Variants in ZCCHC8 observed in about 807,000 individuals in gnomAD.
ZCCHC8 encodes zinc finger CCHC-type containing 8.
In ZCCHC8, 27 loss-of-function variants were observed where a neutral mutation model predicts 70.6. That is an observed-to-expected ratio of 0.38 (90% CI 0.28 to 0.53). The LOEUF (loss-of-function observed/expected upper bound fraction) is 0.53. ZCCHC8 is among the 20% of genes least tolerant of loss of function. The pLI is 0.81. For missense variants in ZCCHC8, 737 were observed against 876.9 expected, an observed-to-expected ratio of 0.84 and a Z score of 2.01; for synonymous variants, 293 against 317.4, an observed-to-expected ratio of 0.92 and a Z score of 0.82.
intron 5 of ZCCHC8, among the ~76,000 whole-genome samples, chr12:122,486,326 T>C (rs953042478): frequency 6.8e-6 from 1 of 147,372 alleles, no homozygotes; most frequent in South Asian, 2.1e-4. Flanking sequence ...GGCAGGAGAA[T>C]TGCTTGAATC....
chr12:122,489,489 CA>C, intron 4 of ZCCHC8, 26 bp from the exon 5 acceptor site: 1 of 1,600,656 alleles, frequency 6.2e-7, no homozygotes, highest in Non-Finnish European at 8.5e-7. Flanking sequence ...ACACATATTA[CA>C]ACCGGTAACC....
chr12:122,474,336 T>G, intron 13 of ZCCHC8, 61 bp from the exon 14 acceptor site: 2 of 1,322,162 alleles, frequency 1.5e-6, no homozygotes, highest in East Asian at 2.8e-5. Context: ...TTTACTAAAA[T>G]TTGTTATTTG....
In ZCCHC8 at chr12:122,480,027, G is replaced by A. The variant is rs1957500211; in HGVS notation, c.1140+163C>T. 5.3e-5 allele frequency among the ~76,000 whole-genome samples: 8 copies of A among 152,210 alleles called. No individual in the cohort carries two copies. In the South Asian group the frequency reaches 1.7e-3, roughly 32 times the overall value. On this transcript the variant is annotated intron_variant, in intron 11 of 13. Coordinates refer to ENST00000633063, the MANE Select transcript of ZCCHC8 (RefSeq NM_017612.5). The stretch of plus-strand genomic sequence containing the variant: ...AGGTCTTGCTATGTTGCCCAGGCTG[G>A]TCTCGAACTCTGGGACTCAAGTGAT...
chr12:122,493,138 G>A (rs1042815301), intron 2 of ZCCHC8, among the ~76,000 whole-genome samples: 2 of 152,102 alleles, frequency 1.3e-5, no homozygotes, highest in African/African-American at 4.8e-5. Context: ...CAAGTGCTGG[G>A]ATTATAGCTG....
Position 122,474,193 on chromosome 12 carries a change from G to T in ZCCHC8, c.1428C>A (p.Pro476=). Residue 476 remains proline (P), a synonymous_variant, in exon 14 of 14, where the codon CCC becomes CCA. Transcript: ENST00000633063. The part of the protein sequence containing the change: ...PPLPPDTPPL[P]RGTPPPVFTP... ...TGAAGACGGGTGGAGGAGTTCCCCG[G>T]GGGAGTGGAGGAGTGTCAGGAGGTA... 6.6e-7 allele frequency: 1 copy of T among 1,512,198 alleles called. No individual in the cohort carries two copies. The highest frequency in any genetic ancestry group is 8.8e-7 in the Non-Finnish European group (1 of 1,139,332). 93.7% of individuals were successfully genotyped at this position (1,512,198 alleles called of 1,614,324 possible). A position where few individuals can be genotyped will look rare whatever the true frequency, so the allele number is the denominator to read the frequency against.
At chr12:122,482,283 T>C (rs1201442237) in intron 8 of ZCCHC8, 196 bp from the exon 9 acceptor site, 4 of 505,176 alleles carry the variant, frequency 7.9e-6, no homozygotes, top group Non-Finnish European at 9.7e-6. Flanking sequence ...CCTATTATCA[T>C]AAATTAAATC....
chr12:122,491,380 T>C (rs1957738403), intron 3 of ZCCHC8, among the ~76,000 whole-genome samples: 1 of 151,684 alleles, frequency 6.6e-6, no homozygotes, highest in Non-Finnish European at 1.5e-5. Context: ...AATACAAAAA[T>C]TAGCCAGGCC....
chr12:122,489,624 T>C (rs910970351), intron 4 of ZCCHC8, among the ~76,000 whole-genome samples, 161 bp from the exon 5 acceptor site: 4 of 152,236 alleles, frequency 2.6e-5, no homozygotes, highest in African/African-American at 9.6e-5. Flanking sequence ...AGCACTAGCA[T>C]GCACTACAAC....
rs542020110 is a variant in ZCCHC8, at chr12:122,482,026, G to T, written c.794C>A (p.Ala265Glu). Residue 265 changes from alanine to glutamate, a missense_variant, in exon 9 of 14, where the codon GCA becomes GAA. Physicochemically the swap from Ala to Glu is moderately radical, Grantham distance 107. Transcript: ENST00000633063. ...RKEYMDACGE[A>E]NNQNFQQRYH... ...TCGCTGCTGGAAATTCTGATTGTTT[G>T]CTTCTCCACAGGCATCCATATACTC... 6.2e-7 allele frequency: 1 copy of T among 1,613,024 alleles called. No individual in the cohort carries two copies. Among genetic ancestry groups the T allele is most frequent in the South Asian group, 1.1e-5 (1 of 91,016 alleles).
At chr12:122,497,330 C>T (rs1358258600) in intron 2 of ZCCHC8, among the ~76,000 whole-genome samples, 1 of 151,296 alleles carries the variant, frequency 6.6e-6, no homozygotes, top group Non-Finnish European at 1.5e-5. Flanking sequence ...TCACTCGAGG[C>T]CAGGAGTTCG....
chr12:122,473,996 T>G lies in ZCCHC8; in HGVS notation c.1625A>C (p.Asp542Ala), dbSNP rs1566282582. 1.3e-6 allele frequency: 2 copies of G among 1,576,458 alleles called. No homozygotes were observed. Among genetic ancestry groups the G allele is most frequent in the Admixed American group, 3.7e-5 (2 of 53,360 alleles). ...EQAESVNSDS[D>A]VPVDTPLTGN... is the part of the protein sequence containing the mutation. ...AGTTAAAGGTGTGTCCACAGGAACG[T>G]CGGAGTCGCTGTTTACGCTCTCGGC... The change falls in exon 14 of 14, where the codon GAC (aspartate) becomes GCC (alanine). Residue 542 changes from aspartate to alanine, a missense_variant. Coordinates refer to ENST00000633063, the MANE Select transcript of ZCCHC8 (RefSeq NM_017612.5).
Position 122,474,282 on chromosome 12 carries a change from T to A in ZCCHC8, c.1346-7A>T. ...CCATGTGGTACCTCCATATCTGAAG[T>A]AAGAAAGTTAAGAGATACTTTAGAA... On this transcript the variant is annotated splice_region_variant and splice_polypyrimidine_tract_variant and intron_variant, in intron 13 of 13. Transcript: ENST00000633063. 7.2e-7 allele frequency: 1 copy of A among 1,383,398 alleles called. No homozygotes were observed. The highest frequency in any genetic ancestry group is 2.7e-5 in the East Asian group (1 of 37,506). 85.7% of individuals were successfully genotyped at this position (1,383,398 alleles called of 1,614,324 possible).
intron 5 of ZCCHC8, among the ~76,000 whole-genome samples, chr12:122,485,807 A>G (rs1486266667): frequency 6.6e-6 from 1 of 151,802 alleles, no homozygotes; most frequent in African/African-American, 2.4e-5. Flanking sequence ...AGTAGCTGGG[A>G]CTACAGGCGC....
Position 122,473,923 on chromosome 12 carries a change from A to T in ZCCHC8, c.1698T>A (p.Pro566=). The T allele has an allele frequency of 6.2e-7, 1 of 1,613,682 alleles. No homozygotes were observed. Among genetic ancestry groups the T allele is most frequent in the Non-Finnish European group, 8.5e-7 (1 of 1,179,800 alleles). ...SSPCPNELDL[P]VPEGKTSEKQ... ...TTTCAGATGTTTTTCCCTCCGGGACAGGGAGGTCTAGCTCATTTGGACAAG... is the reference window on the plus strand; with the variant it reads ...TTTCAGATGTTTTTCCCTCCGGGACTGGGAGGTCTAGCTCATTTGGACAAG... Residue 566 remains proline, a synonymous_variant, in exon 14 of 14, where the codon CCT becomes CCA. Transcript: ENST00000633063.
In ZCCHC8 at chr12:122,477,961, A is replaced by G. The variant is rs537383475; in HGVS notation, c.1228-3T>C. The G allele has an allele frequency of 1.2e-6, 2 of 1,607,544 alleles. No individual in the cohort carries two copies. Among genetic ancestry groups the G allele is most frequent in the East Asian group, 2.2e-5 (1 of 44,844 alleles). ...TTGTTGCCAGACTTCACACCTGGCT[A>G]AAAGAGCAACCAGACCAAACACAAG... On this transcript the variant is annotated splice_polypyrimidine_tract_variant and splice_region_variant and intron_variant, in intron 12 of 13. Coordinates refer to ENST00000633063, the MANE Select transcript of ZCCHC8 (RefSeq NM_017612.5).
Position 122,483,498 on chromosome 12 carries a change from A to G in ZCCHC8, c.567T>C (p.Asn189=). ...CLDKLGQPLL[N]ENPQLSEGWE... ...ATCCTTCGGAAAGCTGAGGGTTTTCATTTAGAAGCGGTTGCCCCAATTTAT... is the reference window on the plus strand; with the variant it reads ...ATCCTTCGGAAAGCTGAGGGTTTTCGTTTAGAAGCGGTTGCCCCAATTTAT... Residue 189 remains asparagine (N), a synonymous_variant, in exon 6 of 14, where the codon AAT becomes AAC. Coordinates refer to ENST00000633063, the MANE Select transcript of ZCCHC8 (RefSeq NM_017612.5). This position sits in a 1 kb window ranked among gnomAD's most constrained non-coding sequence, Gnocchi z 4.4. 1 of 1,596,428 alleles carries G rather than the reference A, an allele frequency of 6.3e-7. No homozygotes were observed. The highest frequency in any genetic ancestry group is 1.1e-5 in the South Asian group (1 of 87,984).
intron 1 of ZCCHC8, 24 bp from the exon 2 acceptor site, chr12:122,498,893 A>G (rs766876722): frequency 1.2e-6 from 2 of 1,605,772 alleles, no homozygotes; most frequent in African/African-American, 2.7e-5. Flanking sequence ...AAGGAAGATA[A>G]GCCCTCATTT....
rs535714318 is a variant in ZCCHC8, at chr12:122,500,732, C to A, written c.109G>T (p.Asp37Tyr). 1.3e-6 allele frequency: 2 copies of A among 1,583,172 alleles called. No individual in the cohort carries two copies. Among genetic ancestry groups the A allele is most frequent in the South Asian group, 2.3e-5 (2 of 86,556 alleles). ...VHTRFKDDDG[D>Y]EEDENGVGDA... is the part of the protein sequence containing the mutation. ...CCGACCCCATTTTCGTCCTCCTCGT[C>A]GCCGTCGTCGTCCTTGAAGCGAGTG... is the stretch of plus-strand genomic sequence containing the variant. Residue 37 changes from aspartate to tyrosine, a missense_variant, in exon 1 of 14, where the codon GAC (aspartate) becomes TAC (tyrosine). Transcript: ENST00000633063. This position sits in a 1 kb window ranked among gnomAD's most constrained non-coding sequence, Gnocchi z 4.8.
intron 2 of ZCCHC8, among the ~76,000 whole-genome samples, chr12:122,495,037 A>T (rs1011022532): frequency 6.6e-6 from 1 of 152,186 alleles, no homozygotes; most frequent in Non-Finnish European, 1.5e-5. Context: ...TGCATGAAAA[A>T]GTCTCTATTT....
Sources: gnomAD v4.1 joint callset for allele counts (sites outside exome capture counted in the v4.1 genomes callset) on GRCh38, gnomAD v4.1.1 for gene constraint, Gnocchi (gnomAD v3.1) non-coding constraint, MANE v1.5 for transcripts, NCBI Gene and HGNC (gene_info 2026-07-23, HGNC 2026-07-21) for gene names.